ITGA1: variants seen among roughly 807,000 people sequenced by gnomAD.
ITGA1 encodes integrin subunit alpha 1.
Under a neutral mutation model 145.9 loss-of-function variants are expected in ITGA1, and 85 were observed. The observed-to-expected ratio is 0.58, with a 90% CI of 0.49 to 0.70. The LOEUF is 0.70. ITGA1 is among the 30% of genes least tolerant of loss of function. The probability of loss-of-function intolerance (pLI) is 0.00; values close to 1 mark genes in which losing one functional copy is unlikely to be tolerated. For missense variants in ITGA1, 1,351 were observed against 1,418.7 expected, an observed-to-expected ratio of 0.95 and a Z score of 0.77; for synonymous variants, 520 against 495.3, an observed-to-expected ratio of 1.05 and a Z score of -0.66.
chr5:52,939,662 A>G lies in ITGA1; in HGVS notation c.3151A>G (p.Thr1051Ala), dbSNP rs1384831707. 1 of 1,613,238 alleles carries G rather than the reference A, an allele frequency of 6.2e-7. No homozygotes were observed. Among genetic ancestry groups the G allele is most frequent in the South Asian group, 1.1e-5 (1 of 91,072 alleles). ...CTCTGGAAAGAAAATGACTACATCAACTGACCATCTCAAACGAGGCACAAT... is the reference window on the plus strand; with the variant it reads ...CTCTGGAAAGAAAATGACTACATCAGCTGACCATCTCAAACGAGGCACAAT... ...INSGKKMTTS[T>A]DHLKRGTILD... Residue 1051 changes from threonine to alanine, a missense_variant, in exon 25 of 29, where the codon ACT becomes GCT. Thr to Ala is a moderately conservative substitution (Grantham distance 58). Transcript: ENST00000282588.
intron 6 of ITGA1, among the ~76,000 whole-genome samples, chr5:52,870,888 A>G (rs1300869361): frequency 1.3e-5 from 2 of 152,228 alleles, no homozygotes; most frequent in African/African-American, 4.8e-5. Context: ...ATCTCAATGA[A>G]GGGAGTTCTC....
At chr5:52,828,904 T>TCTAA (rs781060042) in intron 1 of ITGA1, among the ~76,000 whole-genome samples, 12 of 152,186 alleles carry the variant, frequency 7.9e-5, no homozygotes, top group Non-Finnish European at 1.2e-4. Context: ...GATACTAATC[T>TCTAA]CTAACTTTGT....
chr5:52,837,364 G>A (rs1400561577), intron 1 of ITGA1, among the ~76,000 whole-genome samples: 1 of 152,192 alleles, frequency 6.6e-6, no homozygotes, highest in African/African-American at 2.4e-5. Context: ...TTAGTGTGAA[G>A]GAAGGGCAGG....
chr5:52,936,584 T>C (rs1466601230), intron 23 of ITGA1, among the ~76,000 whole-genome samples: 3 of 152,180 alleles, frequency 2.0e-5, no homozygotes, highest in Non-Finnish European at 2.9e-5. Flanking sequence ...CTGCAGATTA[T>C]GCTTCAGCAG....
chr5:52,827,089 C>CTTTTT (rs201041439), intron 1 of ITGA1, among the ~76,000 whole-genome samples: 1 of 134,846 alleles, frequency 7.4e-6, no homozygotes. Context: ...CCATTAAGAA[C>CTTTTT]TTTTTTTTTT....
At chr5:52,886,847 T>C (rs138179189) in intron 7 of ITGA1, among the ~76,000 whole-genome samples, 4,045 of 152,226 alleles carry the variant, frequency 0.027, 205 homozygotes, top group African/African-American at 0.094. Context: ...GGCGCGATCT[T>C]GGCTCACTGC....
intron 9 of ITGA1, 25 bp from the exon 10 acceptor site, chr5:52,897,430 A>C: frequency 6.6e-7 from 1 of 1,511,674 alleles, no homozygotes. Flanking sequence ...TTACTTATTT[A>C]CAGTGATATT....
chr5:52,939,743 T>C (rs1055331100), intron 25 of ITGA1, 52 bp downstream of exon 25: 4 of 1,478,488 alleles, frequency 2.7e-6, no homozygotes, highest in Admixed American at 1.7e-5. Flanking sequence ...ATGAATAAAA[T>C]TGATATCAAT....
Position 52,849,438 on chromosome 5 carries a change from C to T in ITGA1, c.135C>T (p.Asp45=), listed in dbSNP as rs1749392571. ...TGACTTTCAGCGGCCCGGTGGAAGACATGTTTGGATATACTGTTCAACAAT... is the reference window on the plus strand; with the variant it reads ...TGACTTTCAGCGGCCCGGTGGAAGATATGTTTGGATATACTGTTCAACAAT... ...NSMTFSGPVE[D]MFGYTVQQYE... Residue 45 remains aspartate (D), a synonymous_variant, in exon 2 of 29, where the codon GAC becomes GAT. Transcript: ENST00000282588. 2.5e-6 allele frequency: 4 copies of T among 1,611,406 alleles called. No homozygotes were observed. Among genetic ancestry groups the T allele is most frequent in the Non-Finnish European group, 3.4e-6 (4 of 1,179,024 alleles).
chr5:52,823,276 C>T (rs1215254452), intron 1 of ITGA1, among the ~76,000 whole-genome samples: 6 of 152,160 alleles, frequency 3.9e-5, no homozygotes, highest in African/African-American at 1.4e-4. Context: ...ACGATATTGG[C>T]TCACTGCAAC....
intron 8 of ITGA1, among the ~76,000 whole-genome samples, chr5:52,888,246 A>T (rs1028737750): frequency 6.6e-6 from 1 of 152,072 alleles, no homozygotes; most frequent in Non-Finnish European, 1.5e-5. Context: ...AAGCAAAAAC[A>T]TAAGAAGGAA....
chr5:52,806,872 G>T (rs1045805985), intron 1 of ITGA1, among the ~76,000 whole-genome samples: 1 of 152,108 alleles, frequency 6.6e-6, no homozygotes, highest in Non-Finnish European at 1.5e-5. Context: ...CAAATTTGAG[G>T]CTACAGTGTT....
chr5:52,882,085 T>C, intron 7 of ITGA1, 64 bp downstream of exon 7: 1 of 1,348,756 alleles, frequency 7.4e-7, no homozygotes, highest in Non-Finnish European at 9.9e-7. Flanking sequence ...TGATTTAGCC[T>C]TTTGGCATAT....
chr5:52,925,316 T>C lies in ITGA1; in HGVS notation c.2442T>C (p.Cys814=). 6.2e-7 allele frequency: 1 copy of C among 1,614,100 alleles called. No individual in the cohort carries two copies. Among genetic ancestry groups the C allele is most frequent in the Non-Finnish European group, 8.5e-7 (1 of 1,179,974 alleles). ...AAGATTGTGGAAATAAGGAAAAATG[T>C]ATCTCAGACCTCAGCCTGCATGTCG... ...FAKDCGNKEK[C]ISDLSLHVAT... is the part of the protein sequence containing the mutation. Residue 814 remains cysteine, a synonymous_variant, in exon 19 of 29, where the codon TGT becomes TGC. Transcript: ENST00000282588.
rs532793679 is a variant in ITGA1, at chr5:52,956,301, C to G, written c.*3850C>G. On this transcript the variant is annotated 3_prime_UTR_variant, in exon 29 of 29. Transcript: ENST00000282588. ...ATTGAGAAACAGGCCCAGAGCCTGT[C>G]TCATGTGCCAGGTGCAGTCACATTA... is the stretch of plus-strand genomic sequence containing the variant. The G allele has an allele frequency of 6.6e-6, 1 of 152,348 alleles. No individual in the cohort carries two copies. The highest frequency in any genetic ancestry group is 2.1e-4 in the South Asian group (1 of 4,824). The allele number at this position is 152,348 out of a possible 1,614,324, so 9.4% of individuals were successfully genotyped here.
intron 28 of ITGA1, among the ~76,000 whole-genome samples, chr5:52,951,603 C>T (rs565728577): frequency 1.2e-4 from 18 of 152,178 alleles, no homozygotes; most frequent in Admixed American, 5.2e-4. Flanking sequence ...TATAAGCAGA[C>T]GTCCTGATGC....
At chr5:52,921,050 A>T (rs957579455) in intron 17 of ITGA1, among the ~76,000 whole-genome samples, 3 of 151,932 alleles carry the variant, frequency 2.0e-5, no homozygotes, top group Non-Finnish European at 2.9e-5. Flanking sequence ...TAATGTTTAG[A>T]GATGGCTGGT....
In ITGA1 at chr5:52,898,372, C is replaced by T. The variant is rs778885032; in HGVS notation, c.1298C>T (p.Ala433Val). The change falls in exon 11 of 29, where the codon GCT becomes GTT. Residue 433 changes from alanine (A) to valine (V), a missense_variant. Physicochemically the swap from Ala to Val is moderately conservative, Grantham distance 64 (BLOSUM62 0). Transcript: ENST00000282588. ...TCTACCAAAAAGAATGAACCGCTTG[C>T]TTCTTATTTAGGTAAGGTTTGGATA... ...VESTKKNEPL[A>V]SYLGYTVNSA... 1.1e-5 allele frequency: 17 copies of T among 1,596,506 alleles called. No individual in the cohort carries two copies. Among genetic ancestry groups the T allele is most frequent in the African/African-American group, 2.7e-5 (2 of 73,914 alleles).
intron 13 of ITGA1, 72 bp from the exon 14 acceptor site, chr5:52,910,090 T>C: frequency 7.1e-7 from 1 of 1,408,700 alleles, no homozygotes; most frequent in Admixed American, 2.0e-5. Flanking sequence ...ACTGATTTAG[T>C]ATACTTTAAA....
Sources: gnomAD v4.1 joint callset for allele counts (sites outside exome capture counted in the v4.1 genomes callset) on GRCh38, gnomAD v4.1.1 for gene constraint, MANE v1.5 for transcripts, NCBI Gene and HGNC (gene_info 2026-07-23, HGNC 2026-07-21) for gene names.